SIAE: variants seen among roughly 807,000 people sequenced by gnomAD.
SIAE encodes sialic acid acetylesterase, also known as sialate O-acetylesterase.
Under a neutral mutation model 52.6 loss-of-function variants are expected in SIAE, and 39 were observed. That is an observed-to-expected ratio of 0.74 (90% confidence interval 0.57 to 0.97). The LOEUF (loss-of-function observed/expected upper bound fraction) is 0.97, where lower values mean the gene tolerates loss of function less well. SIAE is among the 50% of genes least tolerant of loss of function. SIAE has a pLI of 0.00. For missense variants in SIAE, 592 were observed against 662.1 expected, an observed-to-expected ratio of 0.89 and a Z score of 1.16; for synonymous variants, 233 against 241.4, an observed-to-expected ratio of 0.97 and a Z score of 0.32.
chr11:124,675,923 C>G (rs1591401902), upstream of SIAE: 1 of 152,888 alleles, frequency 6.5e-6, no homozygotes, highest in African/African-American at 2.4e-5. Context: ...TGAAACTGTT[C>G]TGCAATAACG....
upstream of SIAE, chr11:124,675,349 A>C: frequency 6.2e-7 from 1 of 1,614,230 alleles, no homozygotes; most frequent in South Asian, 1.1e-5. Flanking sequence ...CGAGATTCTG[A>C]GAGAGCAACC....
At chr11:124,651,967 C>T (rs562575921) in intron 4 of SIAE, among the ~76,000 whole-genome samples, 2 of 152,228 alleles carry the variant, frequency 1.3e-5, no homozygotes, top group South Asian at 4.1e-4. Flanking sequence ...AAACCAGCAA[C>T]AGGAGTTTAA....
chr11:124,654,666 T>C lies in SIAE; in HGVS notation c.533A>G (p.Lys178Arg). Reference protein sequence around the residue: ...DLVAVDLQWSKPTSENLGHGY... With the variant: ...DLVAVDLQWSRPTSENLGHGY... ...AAGCCGTCACATACCTGAGGTGGGC[T>C]TAGACCACTGCAAGTCAACCGCAAC... The change falls in exon 4 of 10, where the codon AAG becomes AGG. Residue 178 changes from lysine to arginine, a missense_variant. Physicochemically the swap from Lys to Arg is conservative, Grantham distance 26. Transcript: ENST00000263593. The C allele has an allele frequency of 6.2e-7, 1 of 1,614,176 alleles. No individual in the cohort carries two copies. The highest frequency in any genetic ancestry group is 8.5e-7 in the Non-Finnish European group (1 of 1,180,008).
chr11:124,637,894 A>G (rs1056466145), intron 9 of SIAE, among the ~76,000 whole-genome samples: 1 of 152,138 alleles, frequency 6.6e-6, no homozygotes. Flanking sequence ...TCTCCAATGC[A>G]TTCTTTTCAC....
chr11:124,673,843 C>CCTG, upstream of SIAE: 6 of 821,376 alleles, frequency 7.3e-6, no homozygotes, highest in Non-Finnish European at 1.1e-5. Context: ...CTGGGCTGTA[C>CCTG]TCGCCCCTTC....
Position 124,654,812 on chromosome 11 carries a change from C to T in SIAE, c.406-19G>A, listed in dbSNP as rs113629230. On this transcript the variant is annotated intron_variant, in intron 3 of 9. Transcript: ENST00000263593. Reference sequence around the variant, plus strand: ...TAAATATCTGGAAAAGAAATTGAAACGTCATTTAACCTAGCAGGTGGTGAA... The same window carrying T: ...TAAATATCTGGAAAAGAAATTGAAATGTCATTTAACCTAGCAGGTGGTGAA... 3.1e-6 allele frequency: 5 copies of T among 1,612,440 alleles called. No individual in the cohort carries two copies. Among genetic ancestry groups the T allele is most frequent in the East Asian group, 2.2e-5 (1 of 44,874 alleles).
chr11:124,673,775 CG>C (rs1267073186), upstream of SIAE: 5 of 1,565,562 alleles, frequency 3.2e-6, no homozygotes, highest in South Asian at 1.2e-5. Flanking sequence ...GGGGCCTGGG[CG>C]GGGGCGAGGC....
At chr11:124,664,545 A>C (rs945444593) in intron 2 of SIAE, among the ~76,000 whole-genome samples, 5 of 151,956 alleles carry the variant, frequency 3.3e-5, no homozygotes, top group Non-Finnish European at 7.4e-5. Flanking sequence ...CTAGTGGCCT[A>C]TTTCTTATTG....
At chr11:124,671,287 T>C (rs1344924074) in intron 1 of SIAE, among the ~76,000 whole-genome samples, 2 of 152,206 alleles carry the variant, frequency 1.3e-5, no homozygotes, top group Admixed American at 1.3e-4. Flanking sequence ...TTTTTTAAAA[T>C]AGCTTGCATG....
At chr11:124,673,559 G>T in intron 1 of SIAE, 83 bp downstream of exon 1, 1 of 1,491,166 alleles carries the variant, frequency 6.7e-7, no homozygotes, top group Non-Finnish European at 9.2e-7. Flanking sequence ...AAGGGGCGCG[G>T]ATCCGTGTCC....
chr11:124,674,100 C>T (rs376076368), upstream of SIAE: 106 of 243,932 alleles, frequency 4.3e-4, no homozygotes, highest in African/African-American at 2.2e-3. Flanking sequence ...TCTGAAATCC[C>T]AGGTCCTCAA....
chr11:124,642,956 TGGA>T (rs553644731), intron 7 of SIAE, among the ~76,000 whole-genome samples: 19 of 152,284 alleles, frequency 1.2e-4, no homozygotes, highest in African/African-American at 4.1e-4. Flanking sequence ...CACATGAACT[TGGA>T]GGAGAACTCC....
intron 7 of SIAE, among the ~76,000 whole-genome samples, chr11:124,641,634 G>A (rs1325631321): frequency 6.6e-6 from 1 of 152,114 alleles, no homozygotes; most frequent in Non-Finnish European, 1.5e-5. Flanking sequence ...TCAAAAGATT[G>A]TTCTAGTGAT....
intron 2 of SIAE, among the ~76,000 whole-genome samples, chr11:124,661,696 T>TG (rs771577584): frequency 2.0e-5 from 3 of 151,874 alleles, no homozygotes; most frequent in Non-Finnish European, 4.4e-5. Context: ...AAAACAAGCA[T>TG]GGGAAAATAG....
intron 2 of SIAE, 35 bp from the exon 3 acceptor site, chr11:124,660,838 A>G (rs768059054): frequency 2.2e-5 from 36 of 1,609,830 alleles, no homozygotes; most frequent in Non-Finnish European, 2.8e-5. Flanking sequence ...GAATTAATCA[A>G]TCAATTAAAG....
intron 3 of SIAE, 35 bp downstream of exon 3, chr11:124,660,593 A>G: frequency 6.2e-7 from 1 of 1,610,704 alleles, no homozygotes. Context: ...TTCATCACCA[A>G]CACTGTGTAT....
intron 2 of SIAE, among the ~76,000 whole-genome samples, chr11:124,664,839 G>T (rs912806643): frequency 3.3e-5 from 5 of 152,090 alleles, no homozygotes; most frequent in African/African-American, 1.2e-4. Context: ...TTCCCGAGAA[G>T]AACAACCTAG....
rs138353535 is a variant in SIAE at position 124,645,711 on chromosome 11, G to A, written c.966+1654C>T. ...CATACTCAAATCACCATGTGCACAGGCCAAGGGAGAAAAAAGTACTTCCAA... is the reference window on the plus strand; with the variant it reads ...CATACTCAAATCACCATGTGCACAGACCAAGGGAGAAAAAAGTACTTCCAA... On this transcript the variant is annotated intron_variant, in intron 7 of 9. Transcript: ENST00000263593. This position sits in a 1 kb window ranked among gnomAD's most constrained non-coding sequence, Gnocchi z 4.7. Among the ~76,000 whole-genome samples the A allele has an allele frequency of 1.5e-3, 221 of 152,250 alleles. 4 individuals are homozygous for A. The East Asian group carries it at 0.021, about 14-fold the overall frequency.
At chr11:124,662,657 A>G (rs1474186822) in intron 2 of SIAE, among the ~76,000 whole-genome samples, 2 of 152,176 alleles carry the variant, frequency 1.3e-5, no homozygotes, top group Admixed American at 6.5e-5. Flanking sequence ...ATCCTGCTAC[A>G]GCCAGAGGAT....
Sources: allele counts gnomAD v4.1 joint callset (sites outside exome capture counted in the v4.1 genomes callset), GRCh38; gene constraint gnomAD v4.1.1; non-coding constraint Gnocchi (gnomAD v3.1); transcripts MANE v1.5; gene names NCBI Gene and HGNC (gene_info 2026-07-23, HGNC 2026-07-21).